AASDH: variants seen among roughly 807,000 people sequenced by gnomAD.
AASDH encodes beta-alanine-activating enzyme.
Under a neutral mutation model 102.3 loss-of-function variants are expected in AASDH, and 81 were observed. The ratio of observed to expected loss-of-function variants is 0.79; its 90% confidence interval spans 0.66 to 0.95. The LOEUF is 0.95. Ranked by LOEUF, AASDH falls within the 40% of genes least tolerant of loss-of-function variation. The probability of loss-of-function intolerance (pLI) is 0.00; values close to 1 mark genes in which losing one functional copy is unlikely to be tolerated. For synonymous variants in AASDH, 398 were observed against 454.0 expected, an observed-to-expected ratio of 0.88 and a Z score of 1.57; for missense variants, 1,203 against 1,266.2, an observed-to-expected ratio of 0.95 and a Z score of 0.76.
rs759697144 is a variant in AASDH, at chr4:56,349,393, G to A, written c.2358C>T (p.Tyr786=). The change falls in exon 11 of 15, where the codon TAC becomes TAT. Residue 786 remains tyrosine, a synonymous_variant. Coordinates refer to ENST00000205214, the MANE Select transcript of AASDH (RefSeq NM_181806.4). The part of the protein sequence containing the change: ...PTFDKSSTTV[Y]IGSHSHRMKA... ...TCATTCTATGAGAATGGGAACCAAT[G>A]TACACAGTTGTAGATGACTTATCAA... 15 of 1,614,198 alleles carry A rather than the reference G, an allele frequency of 9.3e-6. No homozygotes were observed. Among genetic ancestry groups the A allele is most frequent in the African/African-American group, 1.3e-5 (1 of 75,046 alleles).
intron 5 of AASDH, among the ~76,000 whole-genome samples, chr4:56,368,246 T>C (rs1203577644): frequency 1.3e-5 from 2 of 152,076 alleles, no homozygotes; most frequent in African/African-American, 4.8e-5. Context: ...TGTGGAGAAA[T>C]AGGAACACTT....
At chr4:56,353,094 C>CG (rs1749191410) in intron 9 of AASDH, among the ~76,000 whole-genome samples, 1 of 151,806 alleles carries the variant, frequency 6.6e-6, no homozygotes, top group Admixed American at 6.6e-5. Context: ...CTCAAACTCT[C>CG]GGCCTCAAGC....
rs575687659 is a variant in AASDH, at chr4:56,341,389, C to CTT, written c.2907+1444_2907+1445dup. On this transcript the variant is annotated intron_variant, in intron 14 of 14. Transcript: ENST00000205214. ...CATGGATGGAACTGGAGACTTTTAT[C>CTT]TTTTTTTTTTTTTTTTTTTTTGGAG... Among the ~76,000 whole-genome samples, 727 of 92,348 alleles carry CTT rather than the reference C, an allele frequency of 7.9e-3. 45 individuals are homozygous for CTT. The highest frequency in any genetic ancestry group is 0.061 in the Admixed American group (394 of 6,466). The allele number at this position is 92,348 out of a possible 152,430, so 60.6% of individuals were successfully genotyped here.
chr4:56,343,972 T>C (rs1748028868), intron 12 of AASDH, among the ~76,000 whole-genome samples: 2 of 152,156 alleles, frequency 1.3e-5, no homozygotes, highest in South Asian at 2.1e-4. Flanking sequence ...CGATCTAATA[T>C]AGCTGAGATC....
At chr4:56,350,425 G>C (rs978437295) in intron 10 of AASDH, among the ~76,000 whole-genome samples, 2 of 151,998 alleles carry the variant, frequency 1.3e-5, no homozygotes, top group African/African-American at 4.8e-5. Context: ...CTGCACTCCC[G>C]CCTGGGCAAC....
At chr4:56,372,783 G>A (rs1304118526) in intron 4 of AASDH, among the ~76,000 whole-genome samples, 1 of 152,202 alleles carries the variant, frequency 6.6e-6, no homozygotes, top group African/African-American at 2.4e-5. Context: ...CAACAGAAAA[G>A]CATGACAAAT....
Position 56,384,121 on chromosome 4 carries a change from T to A in AASDH, c.179A>T (p.Glu60Val). The A allele has an allele frequency of 6.2e-7, 1 of 1,614,160 alleles. No homozygotes were observed. Among genetic ancestry groups the A allele is most frequent in the South Asian group, 1.1e-5 (1 of 91,084 alleles). Residue 60 changes from glutamate (E) to valine (V), a missense_variant, in exon 2 of 15, where the codon GAA becomes GTA. Transcript: ENST00000205214. Reference protein sequence around the residue: ...LLHCDFQGIREIGLYCQPGID... With the variant: ...LLHCDFQGIRVIGLYCQPGID... ...CCCAGGTTGGCAGTAGAGACCAATT[T>A]CCCGAATTCCTTGAAAGTCACAGTG...
At chr4:56,363,980 A>C (rs558903424) in intron 5 of AASDH, among the ~76,000 whole-genome samples, 1 of 152,308 alleles carries the variant, frequency 6.6e-6, no homozygotes, top group South Asian at 2.1e-4. Flanking sequence ...TTGAAAAAAA[A>C]TTAGACAAAT....
At chr4:56,351,194 A>G (rs536852310) in intron 10 of AASDH, 148 bp downstream of exon 10, 1 of 543,178 alleles carries the variant, frequency 1.8e-6, no homozygotes, top group East Asian at 3.3e-5. Context: ...ATTTTAATAC[A>G]AATTGGATAA....
At position 56,349,276 on chromosome 4, in the gene AASDH, G is replaced by C; in HGVS notation, c.2475C>G (p.Asn825Lys). Residue 825 changes from asparagine to lysine, a missense_variant, in exon 11 of 15, where the codon AAC becomes AAG. Transcript: ENST00000205214. ...TCAAAAACTTACCCACCACAATAAA[G>C]TTTCCACACTTAGATACACATGCTG... The part of the protein sequence containing the change: ...ESSACVSKCG[N>K]FIVVGCYNGL... The C allele has an allele frequency of 1.2e-6, 2 of 1,614,018 alleles. No homozygotes were observed. Among genetic ancestry groups the C allele is most frequent in the Non-Finnish European group, 1.7e-6 (2 of 1,179,990 alleles).
At chr4:56,374,237 G>A (rs1752069276) in intron 4 of AASDH, among the ~76,000 whole-genome samples, 2 of 152,026 alleles carry the variant, frequency 1.3e-5, no homozygotes, top group Non-Finnish European at 2.9e-5. Context: ...AAATTAGCCA[G>A]GCATAGTGGC....
intron 14 of AASDH, among the ~76,000 whole-genome samples, chr4:56,341,389 C>CTTTTTTTTTTT (rs575687659): frequency 0.015 from 1,363 of 92,352 alleles, 144 homozygotes; most frequent in African/African-American, 0.028. Flanking sequence ...AGACTTTTAT[C>CTTTTTTTTTTT]TTTTTTTTTT....
intron 5 of AASDH, among the ~76,000 whole-genome samples, chr4:56,361,797 C>A (rs1750331129): frequency 6.6e-6 from 1 of 151,878 alleles, no homozygotes; most frequent in African/African-American, 2.4e-5. Context: ...ACAGGGAGAC[C>A]CTGTCTCTAC....
chr4:56,356,182 T>A, intron 5 of AASDH: 2 of 726,018 alleles, frequency 2.8e-6, no homozygotes, highest in Non-Finnish European at 5.0e-6. Context: ...TGGCCCCTGC[T>A]GTTGTGAAGA....
intron 14 of AASDH, among the ~76,000 whole-genome samples, chr4:56,339,499 C>T (rs977298838): frequency 6.6e-6 from 1 of 151,978 alleles, no homozygotes; most frequent in Admixed American, 6.6e-5. Context: ...GCCTATAATC[C>T]CAGCATTTTG....
Position 56,382,174 on chromosome 4 carries a change from T to C in AASDH, c.351+303A>G, listed in dbSNP as rs575016717. ...CATACTACAGAATAGTGGCTCACAA[T>C]GGAGTGTGAGGGGTGGAGAGCCCCT... On this transcript the variant is annotated intron_variant, in intron 3 of 14. Transcript: ENST00000205214. 1.6e-4 allele frequency: 42 copies of C among 270,390 alleles called. No homozygotes were observed. In the South Asian group the frequency reaches 1.8e-3, roughly 12 times the overall value. 16.7% of individuals were successfully genotyped at this position (270,390 alleles called of 1,614,324 possible). A position where few individuals can be genotyped will look rare whatever the true frequency, so the allele number is the denominator to read the frequency against.
chr4:56,366,083 T>A (rs1578024066), intron 5 of AASDH, among the ~76,000 whole-genome samples: 3 of 152,312 alleles, frequency 2.0e-5, no homozygotes, highest in Middle Eastern at 6.8e-3. Context: ...CACAGAATAC[T>A]ATAAACACCT....
At chr4:56,351,514 G>A (rs1577979497) in intron 9 of AASDH, 57 bp from the exon 10 acceptor site, 1 of 966,844 alleles carries the variant, frequency 1.0e-6, no homozygotes, top group East Asian at 2.5e-5. Context: ...TTCACTCAAA[G>A]CCTTTATATA....
intron 5 of AASDH, among the ~76,000 whole-genome samples, chr4:56,368,492 G>A (rs539702170): frequency 1.3e-5 from 2 of 152,060 alleles, no homozygotes; most frequent in Non-Finnish European, 2.9e-5. Flanking sequence ...ATGATAGACT[G>A]GATTAAGAAA....
Sources: allele counts gnomAD v4.1 joint callset (sites outside exome capture counted in the v4.1 genomes callset), GRCh38; gene constraint gnomAD v4.1.1; transcripts MANE v1.5; gene names NCBI Gene and HGNC (gene_info 2026-07-23, HGNC 2026-07-21).